HSPA12A: variants seen among roughly 807,000 people sequenced by gnomAD.
The protein encoded by HSPA12A is heat shock protein family A (Hsp70) member 12A.
Under a neutral mutation model 69.2 loss-of-function variants are expected in HSPA12A, and 28 were observed. That is an observed-to-expected ratio of 0.40 (90% CI 0.30 to 0.55). The LOEUF is 0.55. HSPA12A is among the 20% of genes least tolerant of loss of function. The probability of loss-of-function intolerance (pLI) is 0.38; values close to 1 mark genes in which losing one functional copy is unlikely to be tolerated. For missense variants in HSPA12A, 686 were observed against 900.7 expected (o/e 0.76, Z 3.05); for synonymous variants, 345 against 370.5 (o/e 0.93, Z 0.79).
At chr10:116,734,055 G>A (rs1034789088) in intron 1 of HSPA12A, among the ~76,000 whole-genome samples, 4 of 152,094 alleles carry the variant, frequency 2.6e-5, no homozygotes, top group South Asian at 4.2e-4. Flanking sequence ...CCTTGCTACC[G>A]GAACCTTTCC....
intron 6 of HSPA12A, 49 bp from the exon 7 acceptor site, chr10:116,684,011 T>C: frequency 6.8e-7 from 1 of 1,470,052 alleles, no homozygotes; most frequent in Non-Finnish European, 9.1e-7. Context: ...TGGGCCGGCC[T>C]GCTCCTAGGA....
intron 3 of HSPA12A, among the ~76,000 whole-genome samples, chr10:116,701,627 G>A (rs1850078896): frequency 6.6e-6 from 1 of 152,232 alleles, no homozygotes; most frequent in Non-Finnish European, 1.5e-5. Context: ...CAGGATTCGG[G>A]GGAGAACTGA....
intron 2 of HSPA12A, among the ~76,000 whole-genome samples, chr10:116,772,739 G>C (rs1554890628): frequency 6.6e-6 from 1 of 151,470 alleles, no homozygotes. Context: ...CTATTGCCTA[G>C]GCTGGAGTGC....
intron 2 of HSPA12A, among the ~76,000 whole-genome samples, chr10:116,804,384 C>T (rs1002671293): frequency 6.6e-6 from 1 of 152,122 alleles, no homozygotes. Flanking sequence ...GGGGTTGGGC[C>T]TTCGGAAAGC....
chr10:116,843,404 T>C (rs1012766623), intron 1 of HSPA12A, among the ~76,000 whole-genome samples: 3 of 152,244 alleles, frequency 2.0e-5, no homozygotes, highest in Non-Finnish European at 4.4e-5. Context: ...TTCCTTTTCC[T>C]TCATTTTCTT....
chr10:116,712,124 A>G (rs1850453068), intron 1 of HSPA12A, among the ~76,000 whole-genome samples: 1 of 152,228 alleles, frequency 6.6e-6, no homozygotes, highest in African/African-American at 2.4e-5. Flanking sequence ...AAAATTAATC[A>G]TCATGTCTCC....
At position 116,686,407 on chromosome 10, in the gene HSPA12A, GGAA is replaced by G. The variant is rs1554879530; in HGVS notation, c.664-2448_664-2446del. Among the ~76,000 whole-genome samples, 2 of 152,150 alleles carry G rather than the reference GGAA, an allele frequency of 1.3e-5. No homozygotes were observed. The highest frequency in any genetic ancestry group is 4.8e-5 in the African/African-American group (2 of 41,412). On this transcript the variant is annotated intron_variant, in intron 6 of 11. Coordinates refer to ENST00000369209, the MANE Select transcript of HSPA12A (RefSeq NM_025015.3). The surrounding 1 kb of genome is among the most constrained non-coding windows in gnomAD (Gnocchi z 4.1). Reference sequence around the variant, plus strand: ...GGGAAGCTTCCACAAAACGGGGTGAGGAAGAAGGGACAACTTGCTGCAAAGAAA... The same window carrying G: ...GGGAAGCTTCCACAAAACGGGGTGAGGAAGGGACAACTTGCTGCAAAGAAA...
chr10:116,757,503 G>C (rs1427338316), intron 2 of HSPA12A, among the ~76,000 whole-genome samples: 1 of 152,188 alleles, frequency 6.6e-6, no homozygotes, highest in Non-Finnish European at 1.5e-5. Context: ...AGAGTGAGAG[G>C]GAGGCACTCC....
At chr10:116,714,907 G>C (rs1303968768) in intron 1 of HSPA12A, among the ~76,000 whole-genome samples, 2 of 152,060 alleles carry the variant, frequency 1.3e-5, no homozygotes, top group African/African-American at 4.8e-5. Flanking sequence ...CACCCTTCAG[G>C]GACCTCCACC....
At chr10:116,682,079 TC>T (rs1264820267) in intron 7 of HSPA12A, among the ~76,000 whole-genome samples, 1 of 152,204 alleles carries the variant, frequency 6.6e-6, no homozygotes, top group Non-Finnish European at 1.5e-5. Flanking sequence ...CTTCCTCTAT[TC>T]CTCGGCTTAG....
chr10:116,741,779 GC>G (rs1202186335), intron 1 of HSPA12A, among the ~76,000 whole-genome samples: 1 of 152,040 alleles, frequency 6.6e-6, no homozygotes, highest in Non-Finnish European at 1.5e-5. Flanking sequence ...GCCTCCCCCT[GC>G]CCCCCGCAAG....
intron 2 of HSPA12A, among the ~76,000 whole-genome samples, chr10:116,778,555 T>A (rs2133130792): frequency 6.6e-6 from 1 of 152,260 alleles, no homozygotes; most frequent in African/African-American, 2.4e-5. Flanking sequence ...CTTTGTGTAG[T>A]CATTCCTGTC....
intron 1 of HSPA12A, chr10:116,835,214 G>A: frequency 3.2e-6 from 1 of 311,414 alleles, no homozygotes; most frequent in Non-Finnish European, 5.9e-6. Context: ...CTTGTTGTGT[G>A]GCCTTGGGCA....
intron 6 of HSPA12A, among the ~76,000 whole-genome samples, chr10:116,690,696 C>A (rs1564779736): frequency 6.6e-6 from 1 of 152,162 alleles, no homozygotes; most frequent in Non-Finnish European, 1.5e-5. Context: ...GTGCCCTCCA[C>A]TGTGACTCCC....
At chr10:116,811,519 G>A (rs1262703054) in intron 2 of HSPA12A, among the ~76,000 whole-genome samples, 6 of 148,186 alleles carry the variant, frequency 4.0e-5, no homozygotes, top group African/African-American at 1.5e-4. Context: ...TCCTGCTCCA[G>A]GCATTTCTCA....
intron 1 of HSPA12A, among the ~76,000 whole-genome samples, chr10:116,726,027 G>GCACACACACGCA (rs1554884976): frequency 6.8e-6 from 1 of 146,114 alleles, no homozygotes; most frequent in African/African-American, 2.6e-5. Context: ...ACACACACAC[G>GCACACACACGCA]CACACACACA....
chr10:116,692,508 C>T, intron 5 of HSPA12A, 41 bp from the exon 6 acceptor site: 1 of 1,505,202 alleles, frequency 6.6e-7, no homozygotes. Flanking sequence ...CAAGTGGCAG[C>T]TGGTTCCTGG....
upstream of HSPA12A, among the ~76,000 whole-genome samples, chr10:116,744,199 C>T (rs4752011): frequency 0.52 from 78,697 of 152,034 alleles, 21,291 homozygotes; most frequent in South Asian, 0.69. Flanking sequence ...TTCTCTTATG[C>T]TGGTATTTCA....
At chr10:116,699,073 C>T (rs2132959988) in intron 4 of HSPA12A, among the ~76,000 whole-genome samples, 1 of 152,292 alleles carries the variant, frequency 6.6e-6, no homozygotes, top group South Asian at 2.1e-4. Flanking sequence ...GTGCCACTCC[C>T]CATGCAATTT....
Sources: allele counts gnomAD v4.1 joint callset (sites outside exome capture counted in the v4.1 genomes callset), GRCh38; gene constraint gnomAD v4.1.1; non-coding constraint Gnocchi (gnomAD v3.1); transcripts MANE v1.5; gene names NCBI Gene and HGNC (gene_info 2026-07-23, HGNC 2026-07-21).